DPH6: variants seen among roughly 807,000 people sequenced by gnomAD.
DPH6 encodes the protein diphthamine biosynthesis 6.
Under a neutral mutation model 38.2 loss-of-function variants are expected in DPH6, and 33 were observed. The ratio of observed to expected loss-of-function variants is 0.86; its 90% CI spans 0.65 to 1.15. The LOEUF is 1.15. DPH6 is among the 50% of genes most tolerant of loss of function. DPH6 has a pLI of 0.00. For synonymous variants in DPH6, 108 were observed against 103.0 expected, an observed-to-expected ratio of 1.05 and a Z score of -0.30; for missense variants, 325 against 320.0, an observed-to-expected ratio of 1.02 and a Z score of -0.12.
intron 3 of DPH6, among the ~76,000 whole-genome samples, chr15:35,473,940 G>A (rs1566923236): frequency 1.0e-5 from 1 of 99,180 alleles, no homozygotes; most frequent in Non-Finnish European, 2.4e-5. Flanking sequence ...GTGTGTGTGT[G>A]TGTGTGTGTG....
Position 35,241,551 on chromosome 15 carries a change from C to G in DPH6, n.201-20969G>C, listed in dbSNP as rs1215741826. 2.1e-5 allele frequency among the ~76,000 whole-genome samples: 3 copies of G among 141,844 alleles called. 1 individual carries two copies. The highest frequency in any genetic ancestry group is 3.1e-5 in the Non-Finnish European group (2 of 64,866). The allele number at this position is 141,844 out of a possible 152,430, so 93.1% of individuals were successfully genotyped here. A position where few individuals can be genotyped will look rare whatever the true frequency, so the allele number is the denominator to read the frequency against. On this transcript the variant is annotated intron_variant and non_coding_transcript_variant, in intron 3 of 3. Transcript: ENST00000560386. ...CCTTATTAGGCCGAGATATTTTAACCAAATTATCTGCTTCCCTGACTATTC... is the reference window on the plus strand; with the variant it reads ...CCTTATTAGGCCGAGATATTTTAACGAAATTATCTGCTTCCCTGACTATTC...
At chr15:35,356,279 A>G (rs1480956798) in intron 3 of DPH6, among the ~76,000 whole-genome samples, 1 of 152,148 alleles carries the variant, frequency 6.6e-6, no homozygotes, top group Non-Finnish European at 1.5e-5. Flanking sequence ...TTCTTCTCTC[A>G]ACTCGTCAAA....
At chr15:35,194,409 G>C in the DPH6 span, among the ~76,000 whole-genome samples, 1 of 151,916 alleles carries the variant, frequency 6.6e-6, no homozygotes, top group Non-Finnish European at 1.5e-5. Flanking sequence ...GAGAGAGAGA[G>C]AGAGAATACC....
intron 3 of DPH6, among the ~76,000 whole-genome samples, chr15:35,484,191 T>A (rs2054365565): frequency 6.6e-6 from 1 of 152,198 alleles, no homozygotes; most frequent in Non-Finnish European, 1.5e-5. Context: ...TAACAATGAA[T>A]AAGAGGTAGG....
In DPH6 at chr15:35,385,617, G is replaced by C. The variant is rs144572582; in HGVS notation, c.568-3701C>G. 2.7e-3 allele frequency among the ~76,000 whole-genome samples: 404 copies of C among 152,098 alleles called. 1 individual carries two copies. Among genetic ancestry groups the C allele is most frequent in the African/African-American group, 8.9e-3 (371 of 41,498 alleles). On this transcript the variant is annotated intron_variant, in intron 6 of 8. Transcript: ENST00000256538. ...CATCACACACCAGAGCCTGTCAGGG[G>C]GTCAGGGGCTAGGGGAGGGATAGCA...
the DPH6 span, among the ~76,000 whole-genome samples, chr15:35,160,593 C>T: frequency 6.6e-6 from 1 of 151,612 alleles, no homozygotes; most frequent in African/African-American, 2.4e-5. Context: ...AGTTTTTTGA[C>T]CCTCAGTCTC....
intron 1 of DPH6, among the ~76,000 whole-genome samples, chr15:35,545,818 C>T (rs753521680): frequency 6.6e-6 from 1 of 152,134 alleles, no homozygotes; most frequent in Non-Finnish European, 1.5e-5. Context: ...ACCAATCCCT[C>T]TGGCGGTGGG....
chr15:35,504,285 T>C (rs1429851805), intron 3 of DPH6, among the ~76,000 whole-genome samples: 1 of 151,970 alleles, frequency 6.6e-6, no homozygotes, highest in Non-Finnish European at 1.5e-5. Context: ...CTTATATATA[T>C]CATCTAGTCA....
the DPH6 span, among the ~76,000 whole-genome samples, chr15:35,195,792 C>T: frequency 2.0e-5 from 3 of 151,854 alleles, no homozygotes; most frequent in South Asian, 2.1e-4. Flanking sequence ...TGGTTGATGC[C>T]GAAGGTAGTC....
chr15:35,190,994 G>A, the DPH6 span, among the ~76,000 whole-genome samples: 6,564 of 152,176 alleles, frequency 0.043, 375 homozygotes, highest in East Asian at 0.3. Context: ...TAGCTTCTGA[G>A]GCCTTCCTAT....
Position 35,371,868 on chromosome 15 carries a change from T to G in DPH6, c.*282A>C. The G allele has an allele frequency of 9.3e-7, 1 of 1,079,702 alleles. No individual in the cohort carries two copies. Among genetic ancestry groups the G allele is most frequent in the Non-Finnish European group, 1.1e-6 (1 of 888,934 alleles). 66.9% of individuals were successfully genotyped at this position (1,079,702 alleles called of 1,614,324 possible). On this transcript the variant is annotated 3_prime_UTR_variant, in exon 9 of 9. Transcript: ENST00000256538. The stretch of plus-strand genomic sequence containing the variant: ...GATAAAAAAAGAAATGCTACAGAAA[T>G]GGGGTTTATAGATGAAATAAAAGAA...
chr15:35,294,932 A>G (rs2052005397), intron 3 of DPH6, among the ~76,000 whole-genome samples: 1 of 152,228 alleles, frequency 6.6e-6, no homozygotes, highest in Non-Finnish European at 1.5e-5. Flanking sequence ...GTCCTGTTGC[A>G]TGGTGAGTTC....
At chr15:35,425,415 T>A (rs1186030133) in intron 5 of DPH6, among the ~76,000 whole-genome samples, 1 of 151,620 alleles carries the variant, frequency 6.6e-6, no homozygotes, top group Non-Finnish European at 1.5e-5. Flanking sequence ...TATGTTTTAC[T>A]ACAGAGGGTT....
intron 5 of DPH6, among the ~76,000 whole-genome samples, chr15:35,436,249 G>A (rs938458121): frequency 4.6e-5 from 7 of 151,610 alleles, no homozygotes; most frequent in African/African-American, 9.7e-5. Context: ...GGCGGATCAC[G>A]AGGTCAGGAG....
chr15:35,189,235 GT>G, the DPH6 span, among the ~76,000 whole-genome samples: 1 of 152,114 alleles, frequency 6.6e-6, no homozygotes, highest in African/African-American at 2.4e-5. Context: ...ATGTCTCTTG[GT>G]GTCCTTTACC....
chr15:35,221,877 G>C (rs1374558629), intron 3 of DPH6, among the ~76,000 whole-genome samples: 1 of 152,074 alleles, frequency 6.6e-6, no homozygotes, highest in African/African-American at 2.4e-5. Context: ...ATGTGCAGTT[G>C]AAAGAAGCCA....
chr15:35,301,692 C>T (rs2052055300), intron 3 of DPH6, among the ~76,000 whole-genome samples: 1 of 151,986 alleles, frequency 6.6e-6, no homozygotes, highest in Non-Finnish European at 1.5e-5. Flanking sequence ...AAAATTAGGC[C>T]GGGCGTGGTG....
intron 3 of DPH6, among the ~76,000 whole-genome samples, chr15:35,333,474 C>T (rs896713028): frequency 1.3e-5 from 2 of 152,050 alleles, no homozygotes; most frequent in African/African-American, 4.8e-5. Flanking sequence ...CAACGTCAGG[C>T]CATGATTAGA....
intron 8 of DPH6, 163 bp from the exon 9 acceptor site, chr15:35,372,366 C>A: frequency 2.0e-6 from 1 of 495,724 alleles, no homozygotes; most frequent in Non-Finnish European, 3.2e-6. Context: ...TACTGAAGAC[C>A]AATCAAATAC....
Sources: allele counts gnomAD v4.1 joint callset (sites outside exome capture counted in the v4.1 genomes callset), GRCh38; gene constraint gnomAD v4.1.1; transcripts MANE v1.5; gene names NCBI Gene and HGNC (gene_info 2026-07-23, HGNC 2026-07-21).